Variants in PDE1A observed in about 807,000 individuals in gnomAD.
PDE1A encodes the protein phosphodiesterase 1A.
A neutral mutation model predicts 61.7 loss-of-function variants in PDE1A; 35 were observed. The observed-to-expected ratio is 0.57, with a 90% CI of 0.43 to 0.75. The LOEUF is 0.75. Among genes scored for constraint, PDE1A ranks in the 30% least tolerant of loss-of-function variants. PDE1A has a pLI of 0.00. For synonymous variants in PDE1A, 232 were observed against 213.2 expected, an observed-to-expected ratio of 1.09 and a Z score of -0.77; for missense variants, 597 against 630.6, an observed-to-expected ratio of 0.95 and a Z score of 0.57.
At chr2:182,698,022 A>C in the PDE1A span, among the ~76,000 whole-genome samples, 1 of 152,194 alleles carries the variant, frequency 6.6e-6, no homozygotes, top group African/African-American at 2.4e-5. Flanking sequence ...GAAATTCATC[A>C]AGTTGAAAAT....
rs201338065 is a variant in PDE1A at position 182,229,779 on chromosome 2, A to ACTT, written c.675+224_675+226dup. On this transcript the variant is annotated intron_variant, in intron 6 of 13. Transcript: ENST00000351439. ...TGTTTGGTAGTCCAAATTTTGGGAA[A>ACTT]CTTTTTTTTTTTTTGCCTCTGGTTA... Among the ~76,000 whole-genome samples the ACTT allele has an allele frequency of 7.7e-3, 562 of 72,740 alleles. 4 individuals are homozygous for ACTT. The highest frequency in any genetic ancestry group is 0.018 in the South Asian group (36 of 1,998). 47.7% of individuals were successfully genotyped at this position (72,740 alleles called of 152,430 possible).
intron 2 of PDE1A, among the ~76,000 whole-genome samples, chr2:182,512,951 T>G (rs769263467): frequency 6.6e-6 from 1 of 152,180 alleles, no homozygotes; most frequent in Non-Finnish European, 1.5e-5. Context: ...TATGAGATTA[T>G]TTAGAAACCA....
At chr2:182,639,260 T>C in the PDE1A span, among the ~76,000 whole-genome samples, 1 of 152,026 alleles carries the variant, frequency 6.6e-6, no homozygotes, top group South Asian at 2.1e-4. Context: ...AGATGAAACA[T>C]GACCTGAGAG....
At chr2:182,602,992 C>CACACAT in the PDE1A span, among the ~76,000 whole-genome samples, 5,580 of 130,396 alleles carry the variant, frequency 0.043, 138 homozygotes, top group Middle Eastern at 0.062. Flanking sequence ...CACACACACA[C>CACACAT]ACATACATAC....
At chr2:182,247,927 G>A (rs189064896) in intron 2 of PDE1A, among the ~76,000 whole-genome samples, 1 of 152,172 alleles carries the variant, frequency 6.6e-6, no homozygotes, top group Non-Finnish European at 1.5e-5. Flanking sequence ...TAATGTTAAA[G>A]GGCAGAGTGT....
the PDE1A span, among the ~76,000 whole-genome samples, chr2:182,692,688 A>T: frequency 1.4e-5 from 2 of 148,146 alleles, no homozygotes; most frequent in Admixed American, 6.8e-5. Context: ...TATATATATA[A>T]AATATATATA....
the PDE1A span, among the ~76,000 whole-genome samples, chr2:182,696,337 A>G: frequency 6.6e-6 from 1 of 152,170 alleles, no homozygotes; most frequent in African/African-American, 2.4e-5. Context: ...TTAAATGTAC[A>G]TTACTAAGGG....
the PDE1A span, among the ~76,000 whole-genome samples, chr2:182,558,923 T>C: frequency 2.4e-4 from 36 of 152,288 alleles, no homozygotes; most frequent in Admixed American, 8.5e-4. Flanking sequence ...CAAAAGGCTG[T>C]TGAGGAACGT....
At chr2:182,621,822 G>GA in the PDE1A span, among the ~76,000 whole-genome samples, 1 of 152,218 alleles carries the variant, frequency 6.6e-6, no homozygotes, top group East Asian at 1.9e-4. Context: ...ACATCCTGAA[G>GA]AAAAATGAGC....
intron 2 of PDE1A, among the ~76,000 whole-genome samples, chr2:182,515,794 A>T (rs964599916): frequency 2.0e-5 from 3 of 152,170 alleles, no homozygotes; most frequent in African/African-American, 4.8e-5. Context: ...AATACCCTCC[A>T]TCTCAGAGTT....
rs1406525155 is a variant in PDE1A, at chr2:182,414,153, G to A, written c.53+12425C>T. Reference sequence around the variant, plus strand: ...TCACAAAGGACAGAAGAAGTTAATGGGAAGACATGGAAGCAGAGGACGATT... The same window carrying A: ...TCACAAAGGACAGAAGAAGTTAATGAGAAGACATGGAAGCAGAGGACGATT... On this transcript the variant is annotated intron_variant, in intron 1 of 13. Coordinates refer to ENST00000351439, the Ensembl canonical transcript of PDE1A. Among the ~76,000 whole-genome samples, 3 of 152,076 alleles carry A rather than the reference G, an allele frequency of 2.0e-5. 1 individual carries two copies. Among genetic ancestry groups the A allele is most frequent in the Non-Finnish European group, 4.4e-5 (3 of 68,002 alleles).
chr2:182,550,391 A>G, the PDE1A span, among the ~76,000 whole-genome samples: 7 of 152,176 alleles, frequency 4.6e-5, no homozygotes, highest in Non-Finnish European at 1.0e-4. Flanking sequence ...CAGGGAAATC[A>G]TGCTCTGGGC....
chr2:182,505,083 A>T (rs953041501), intron 2 of PDE1A, among the ~76,000 whole-genome samples: 2 of 152,174 alleles, frequency 1.3e-5, no homozygotes, highest in Admixed American at 6.5e-5. Flanking sequence ...TTCAGCAGGC[A>T]ATTTTCTCTC....
the PDE1A span, among the ~76,000 whole-genome samples, chr2:182,655,682 T>C: frequency 6.6e-6 from 1 of 152,134 alleles, no homozygotes; most frequent in Admixed American, 6.5e-5. Flanking sequence ...AGAGTTTTCT[T>C]TTTCCCCGGC....
intron 5 of PDE1A, 138 bp from the exon 6 acceptor site, chr2:182,230,284 A>G (rs1574085171): frequency 6.4e-6 from 4 of 626,244 alleles, no homozygotes; most frequent in Non-Finnish European, 1.1e-5. Flanking sequence ...GATTGTTCTG[A>G]AAAACCACTT....
chr2:182,396,919 G>A (rs1343408945), intron 1 of PDE1A, among the ~76,000 whole-genome samples: 2 of 152,142 alleles, frequency 1.3e-5, no homozygotes, highest in Admixed American at 6.5e-5. Context: ...TGTATTGACT[G>A]GGAAGTGAAA....
the PDE1A span, among the ~76,000 whole-genome samples, chr2:182,651,539 ATTCTACT>A: frequency 6.6e-6 from 1 of 152,228 alleles, no homozygotes; most frequent in Admixed American, 6.5e-5. Context: ...GTTAATTTGT[ATTCTACT>A]TTCTATGTCC....
At chr2:182,525,117 A>T (rs1690758004), upstream of PDE1A, among the ~76,000 whole-genome samples, 1 of 152,184 alleles carries the variant, frequency 6.6e-6, no homozygotes, top group African/African-American at 2.4e-5. Flanking sequence ...TAATAATAAC[A>T]TCTCCTCATA....
chr2:182,603,033 ACAT>A, the PDE1A span, among the ~76,000 whole-genome samples: 27 of 151,874 alleles, frequency 1.8e-4, no homozygotes, highest in East Asian at 3.7e-3. Context: ...ATACATACAT[ACAT>A]ACCAGTTTGG....
Sources: allele counts gnomAD v4.1 joint callset (sites outside exome capture counted in the v4.1 genomes callset), GRCh38; gene constraint gnomAD v4.1.1; transcripts MANE v1.5; gene names NCBI Gene and HGNC (gene_info 2026-07-23, HGNC 2026-07-21).